HACD2: variants seen among roughly 807,000 people sequenced by gnomAD.
The protein encoded by HACD2 is 3-hydroxyacyl-CoA dehydratase 2.
A neutral mutation model predicts 31.0 loss-of-function variants in HACD2; 15 were observed. The observed-to-expected ratio is 0.48, with a 90% CI of 0.32 to 0.75. The LOEUF is 0.75. Among genes scored for constraint, HACD2 ranks in the 30% least tolerant of loss-of-function variants. The pLI is 0.03. For synonymous variants in HACD2, 115 were observed against 122.2 expected (o/e 0.94, Z 0.39); for missense variants, 283 against 313.0 (o/e 0.90, Z 0.72).
At chr3:123,537,022 G>A (rs1020176560) in intron 3 of HACD2, among the ~76,000 whole-genome samples, 23 of 152,118 alleles carry the variant, frequency 1.5e-4, no homozygotes, top group African/African-American at 5.6e-4. Flanking sequence ...TGCCCATGGT[G>A]GGCACTAAAT....
chr3:123,550,141 TCAA>T (rs1265766928), intron 3 of HACD2, among the ~76,000 whole-genome samples: 1 of 152,100 alleles, frequency 6.6e-6, no homozygotes, highest in Non-Finnish European at 1.5e-5. Context: ...AGACCCTGTT[TCAA>T]CAACAACAAC....
chr3:123,542,464 A>C (rs2056505134), intron 3 of HACD2, among the ~76,000 whole-genome samples: 1 of 152,246 alleles, frequency 6.6e-6, no homozygotes, highest in Non-Finnish European at 1.5e-5. Context: ...TGGGAATTCA[A>C]TCTGGTAATA....
chr3:123,555,149 T>C (rs936644549), intron 3 of HACD2, among the ~76,000 whole-genome samples: 1 of 152,190 alleles, frequency 6.6e-6, no homozygotes, highest in African/African-American at 2.4e-5. Flanking sequence ...GCCTTCAAAA[T>C]TGGTTGGGGA....
intron 3 of HACD2, among the ~76,000 whole-genome samples, chr3:123,564,409 A>C (rs1246657568): frequency 6.6e-6 from 1 of 152,226 alleles, no homozygotes; most frequent in African/African-American, 2.4e-5. Context: ...AAAGCACCCA[A>C]AGAAAGAAAA....
chr3:123,572,966 C>T (rs1231878514), intron 2 of HACD2, among the ~76,000 whole-genome samples: 1 of 152,100 alleles, frequency 6.6e-6, no homozygotes, highest in African/African-American at 2.4e-5. Context: ...CAGCTATGGC[C>T]TAAGATGCAG....
chr3:123,552,269 GA>G (rs2056628097), intron 3 of HACD2, among the ~76,000 whole-genome samples: 1 of 152,156 alleles, frequency 6.6e-6, no homozygotes, highest in African/African-American at 2.4e-5. Flanking sequence ...AGGAAGAAAT[GA>G]GTAAAAAAGA....
intron 6 of HACD2, among the ~76,000 whole-genome samples, chr3:123,499,807 A>G (rs1251658211): frequency 1.3e-5 from 2 of 152,232 alleles, no homozygotes; most frequent in Non-Finnish European, 2.9e-5. Flanking sequence ...ATAATTGAAC[A>G]TCAGAATTCC....
At chr3:123,504,358 G>A (rs925076512) in intron 4 of HACD2, among the ~76,000 whole-genome samples, 4 of 152,122 alleles carry the variant, frequency 2.6e-5, no homozygotes, top group Non-Finnish European at 5.9e-5. Flanking sequence ...AGCAGGGAAC[G>A]TGTTTATTCA....
At chr3:123,523,427 T>C (rs72968512) in intron 4 of HACD2, among the ~76,000 whole-genome samples, 3,182 of 152,208 alleles carry the variant, frequency 0.021, 98 homozygotes, top group African/African-American at 0.072. Context: ...TTCTCATATA[T>C]CCTTCTCACT....
chr3:123,546,016 A>G (rs544046252), intron 3 of HACD2, among the ~76,000 whole-genome samples: 1 of 152,204 alleles, frequency 6.6e-6, no homozygotes, highest in Admixed American at 6.6e-5. Flanking sequence ...TGGCTCAAAT[A>G]TATCAAAAAA....
chr3:123,545,140 T>G (rs963651497), intron 3 of HACD2, among the ~76,000 whole-genome samples: 4 of 99,526 alleles, frequency 4.0e-5, no homozygotes, highest in Non-Finnish European at 8.2e-5. Context: ...GTACTAGCTG[T>G]TTTTTTTTTT....
chr3:123,539,911 TAAA>T (rs71142741), intron 3 of HACD2, among the ~76,000 whole-genome samples: 2 of 24,478 alleles, frequency 8.2e-5, no homozygotes, highest in African/African-American at 4.2e-4. Context: ...TCGTCTCTAC[TAAA>T]AAAAAAAAAA....
chr3:123,553,202 G>A (rs1299889358), intron 3 of HACD2, among the ~76,000 whole-genome samples: 1 of 152,164 alleles, frequency 6.6e-6, no homozygotes, highest in African/African-American at 2.4e-5. Context: ...TATATTTACA[G>A]AGACAGAGAG....
intron 3 of HACD2, among the ~76,000 whole-genome samples, chr3:123,552,874 A>G (rs1220239375): frequency 6.6e-6 from 1 of 152,194 alleles, no homozygotes; most frequent in African/African-American, 2.4e-5. Flanking sequence ...AATGTAATAA[A>G]GAAAATTGAA....
chr3:123,552,261 G>A (rs1020450722), intron 3 of HACD2, among the ~76,000 whole-genome samples: 26 of 152,166 alleles, frequency 1.7e-4, no homozygotes, highest in Non-Finnish European at 2.9e-5. Context: ...TGCTTCTAAG[G>A]AAGAAATGAG....
chr3:123,576,616 T>C (rs538978788), intron 2 of HACD2, among the ~76,000 whole-genome samples: 1 of 152,218 alleles, frequency 6.6e-6, no homozygotes, highest in African/African-American at 2.4e-5. Flanking sequence ...AACACATGCA[T>C]GTAGCTTGCA....
chr3:123,552,603 A>C (rs1242983425), intron 3 of HACD2, among the ~76,000 whole-genome samples: 2 of 152,212 alleles, frequency 1.3e-5, no homozygotes, highest in Non-Finnish European at 2.9e-5. Flanking sequence ...CATTTCAGCT[A>C]ATGAAAATGC....
chr3:123,580,319 T>C (rs771329471), intron 2 of HACD2, among the ~76,000 whole-genome samples: 4 of 151,838 alleles, frequency 2.6e-5, no homozygotes, highest in Non-Finnish European at 5.9e-5. Flanking sequence ...CTACCAAAAA[T>C]ATAAAAATGA....
intron 3 of HACD2, among the ~76,000 whole-genome samples, chr3:123,545,451 C>T (rs981755645): frequency 3.4e-5 from 5 of 146,752 alleles, no homozygotes; most frequent in Admixed American, 6.9e-5. Flanking sequence ...CACTGCACTC[C>T]GGCCTGGGCA....
Sources: allele counts gnomAD v4.1 joint callset (sites outside exome capture counted in the v4.1 genomes callset), GRCh38; gene constraint gnomAD v4.1.1; transcripts MANE v1.5; gene names NCBI Gene and HGNC (gene_info 2026-07-23, HGNC 2026-07-21).